Variants in PRKCD observed in about 807,000 individuals in gnomAD.
PRKCD encodes the protein protein kinase C delta type.
PRKCD carries 20 observed loss-of-function variants against 82.2 expected under a neutral mutation model. The ratio of observed to expected loss-of-function variants is 0.24; its 90% CI spans 0.17 to 0.35. The LOEUF (loss-of-function observed/expected upper bound fraction) is 0.35. Among genes scored for constraint, PRKCD ranks in the 10% least tolerant of loss-of-function variants. The pLI is 1.00. For synonymous variants in PRKCD, 317 were observed against 337.0 expected, an observed-to-expected ratio of 0.94 and a Z score of 0.65; for missense variants, 607 against 899.0, an observed-to-expected ratio of 0.68 and a Z score of 4.15.
At chr3:53,179,269 G>A (rs191976699) in intron 3 of PRKCD, among the ~76,000 whole-genome samples, 80 of 152,338 alleles carry the variant, frequency 5.3e-4, no homozygotes, top group Non-Finnish European at 9.8e-4. Context: ...TCTGCGCCTC[G>A]AATATTATGG....
Position 53,184,129 on chromosome 3 carries a change from G to A in PRKCD, c.787+548G>A, listed in dbSNP as rs577888961. Among the ~76,000 whole-genome samples the A allele has an allele frequency of 9.3e-5, 14 of 150,550 alleles. No individual in the cohort carries two copies. The South Asian group carries it at 2.1e-3, about 23-fold the overall frequency. On this transcript the variant is annotated intron_variant, in intron 9 of 18. Coordinates refer to ENST00000330452, the MANE Select transcript of PRKCD (RefSeq NM_006254.4). ...GGGCGGATCATGAGGTTAGGAGATC[G>A]AGACCATCCTGGCTAACATGGTGAA...
intron 2 of PRKCD, among the ~76,000 whole-genome samples, chr3:53,177,905 C>T (rs1703267264): frequency 6.6e-6 from 1 of 152,004 alleles, no homozygotes; most frequent in Admixed American, 6.6e-5. Flanking sequence ...GCCGCAAATC[C>T]AGACTTACAT....
chr3:53,172,103 G>C (rs1484202290), intron 2 of PRKCD, among the ~76,000 whole-genome samples: 2 of 152,026 alleles, frequency 1.3e-5, no homozygotes, highest in African/African-American at 4.8e-5. Flanking sequence ...ACTTGGCTGT[G>C]ACCTGAGTCC....
intron 16 of PRKCD, 62 bp from the exon 17 acceptor site, chr3:53,188,996 A>T: frequency 6.4e-7 from 1 of 1,572,732 alleles, no homozygotes; most frequent in Non-Finnish European, 8.6e-7. Flanking sequence ...CTTCGTGCCC[A>T]GGGGCCCCTC....
intron 3 of PRKCD, 28 bp downstream of exon 3, chr3:53,178,565 G>T (rs782570143): frequency 6.3e-7 from 1 of 1,587,316 alleles, no homozygotes; most frequent in East Asian, 2.3e-5. Context: ...ACCCTGGAGA[G>T]GGGCTGGGAA....
intron 2 of PRKCD, among the ~76,000 whole-genome samples, chr3:53,174,470 C>A (rs1703150114): frequency 6.6e-6 from 1 of 152,206 alleles, no homozygotes. Context: ...TCCTCTGGGG[C>A]CTCCGTGGCC....
intron 1 of PRKCD, among the ~76,000 whole-genome samples, chr3:53,163,555 C>T (rs995651072): frequency 1.3e-4 from 20 of 152,088 alleles, no homozygotes; most frequent in African/African-American, 4.1e-4. Context: ...CAAGCTAGGC[C>T]TCTCAAGGCT....
In PRKCD at chr3:53,179,770, G is replaced by A. The variant is rs1553666898; in HGVS notation, c.309G>A (p.Glu103=). 3 of 1,560,210 alleles carry A rather than the reference G, an allele frequency of 1.9e-6. No individual in the cohort carries two copies. In the African/African-American group the frequency reaches 4.1e-5, roughly 21 times the overall value. The change falls in exon 4 of 19, where the codon GAG becomes GAA. Residue 103 remains glutamate (E), a synonymous_variant. Transcript: ENST00000330452. ...ERCKKNNGKA[E]FWLDLQPQAK... is the part of the protein sequence containing the mutation. ...GCAAGAAGAACAATGGCAAGGCTGAGTTCTGGGTAAGGGGCGCACGAGCCG... is the reference window on the plus strand; with the variant it reads ...GCAAGAAGAACAATGGCAAGGCTGAATTCTGGGTAAGGGGCGCACGAGCCG...
In PRKCD at chr3:53,161,300, C is replaced by G. The variant is rs1553662886; in HGVS notation, c.-260C>G. 2 of 149,286 alleles carry G rather than the reference C, an allele frequency of 1.3e-5. No individual in the cohort carries two copies. Among genetic ancestry groups the G allele is most frequent in the Non-Finnish European group, 3.0e-5 (2 of 66,956 alleles). 9.2% of individuals were successfully genotyped at this position (149,286 alleles called of 1,614,324 possible). A position where few individuals can be genotyped will look rare whatever the true frequency, so the allele number is the denominator to read the frequency against. ...GGCGCCCGCCCGCCGCGCGGAGGCC[C>G]GGGCCACACCTCACTGGCCGCTTGG... is the stretch of plus-strand genomic sequence containing the variant. On this transcript the variant is annotated 5_prime_UTR_variant, in exon 1 of 19. Coordinates refer to ENST00000330452, the MANE Select transcript of PRKCD (RefSeq NM_006254.4).
rs1559629912 is a variant in PRKCD at position 53,186,636 on chromosome 3, CG to C, written c.1300del (p.Asp434ThrfsTer2). On this transcript the variant is annotated frameshift_variant, in exon 14 of 19. Coordinates refer to ENST00000330452, the MANE Select transcript of PRKCD (RefSeq NM_006254.4). LOFTEE classifies it high-confidence loss of function. ...HLFFVMEFLN[G>X]GDLMYHIQDK... ...TGTTCTTTGTGATGGAGTTCCTCAA[CG>C]GGGGGGACCTGATGTACCACATCCA... The C allele has an allele frequency of 1.9e-6, 3 of 1,613,656 alleles. No homozygotes were observed. Among genetic ancestry groups the C allele is most frequent in the South Asian group, 1.1e-5 (1 of 91,048 alleles).
rs1553669418 is a variant in PRKCD, at chr3:53,187,198, A to G, written c.1353-142A>G. On this transcript the variant is annotated intron_variant, in intron 14 of 18. Transcript: ENST00000330452. Reference sequence around the variant, plus strand: ...CTGCCAGCCCCCACTTGCCTGATACAAGATGTACTTGATCATGCTCAGGTG... The same window carrying G: ...CTGCCAGCCCCCACTTGCCTGATACGAGATGTACTTGATCATGCTCAGGTG... 3 of 963,752 alleles carry G rather than the reference A, an allele frequency of 3.1e-6. No homozygotes were observed. The Admixed American group carries it at 5.7e-5, about 18-fold the overall frequency. The allele number at this position is 963,752 out of a possible 1,614,324, so 59.7% of individuals were successfully genotyped here. A position where few individuals can be genotyped will look rare whatever the true frequency, so the allele number is the denominator to read the frequency against.
chr3:53,162,393 A>G (rs1702700762), intron 1 of PRKCD, among the ~76,000 whole-genome samples: 1 of 152,014 alleles, frequency 6.6e-6, no homozygotes, highest in Non-Finnish European at 1.5e-5. Flanking sequence ...CCCCGCCTTA[A>G]ACCTGGTCAG....
chr3:53,186,244 C>T lies in PRKCD; in HGVS notation c.1164C>T (p.Asp388=), dbSNP rs782310822. 8.7e-6 allele frequency: 14 copies of T among 1,614,052 alleles called. No individual in the cohort carries two copies. Among genetic ancestry groups the T allele is most frequent in the African/African-American group, 5.3e-5 (4 of 74,928 alleles). ...KALKKDVVLI[D]DDVECTMVEK... ...TCAAGAAGGATGTGGTCCTGATCGA[C>T]GACGACGTGGAGTGCACCATGGTTG... The change falls in exon 13 of 19, where the codon GAC becomes GAT. Residue 388 remains aspartate, a synonymous_variant. Coordinates refer to ENST00000330452, the MANE Select transcript of PRKCD (RefSeq NM_006254.4).
intron 2 of PRKCD, among the ~76,000 whole-genome samples, chr3:53,167,479 G>C (rs1553664072): frequency 6.6e-6 from 1 of 152,236 alleles, no homozygotes; most frequent in East Asian, 1.9e-4. Context: ...GCATCTTAGT[G>C]ACTAGGCAGC....
intron 2 of PRKCD, among the ~76,000 whole-genome samples, chr3:53,168,656 T>C (rs1387779798): frequency 6.6e-6 from 1 of 150,530 alleles, no homozygotes; most frequent in Non-Finnish European, 1.5e-5. Flanking sequence ...ACATGAACGA[T>C]GGGAAGGAGC....
At chr3:53,187,038 C>CT (rs1211487123) in intron 14 of PRKCD, among the ~76,000 whole-genome samples, 3 of 152,194 alleles carry the variant, frequency 2.0e-5, no homozygotes, top group Admixed American at 6.5e-5. Context: ...TCACATGCCC[C>CT]TTACCCCAAA....
rs542869529 is a variant in PRKCD, at chr3:53,164,076, G to A, written c.-131-1028G>A. 2.0e-4 allele frequency among the ~76,000 whole-genome samples: 30 copies of A among 152,302 alleles called. No homozygotes were observed. The South Asian group carries it at 6.0e-3, about 31-fold the overall frequency. On this transcript the variant is annotated intron_variant, in intron 1 of 18. Coordinates refer to ENST00000330452, the MANE Select transcript of PRKCD (RefSeq NM_006254.4). ...TGATGGGGGTCTCCAGCTGGGGGAG[G>A]GGTTCACATCTGGGGAGCAGAATCT...
At position 53,183,657 on chromosome 3, in the gene PRKCD, G is replaced by A. The variant is rs56223332; in HGVS notation, c.787+76G>A. On this transcript the variant is annotated intron_variant, in intron 9 of 18. Coordinates refer to ENST00000330452, the MANE Select transcript of PRKCD (RefSeq NM_006254.4). Reference sequence around the variant, plus strand: ...CTGCTGTGAATTCCAGCCACCTCACGCCACCCTCGCCTCCTCACCTGGAGA... The same window carrying A: ...CTGCTGTGAATTCCAGCCACCTCACACCACCCTCGCCTCCTCACCTGGAGA... The A allele has an allele frequency of 7.2e-3, 11,255 of 1,567,958 alleles. 57 individuals carry two copies. Among genetic ancestry groups the A allele is most frequent in the Non-Finnish European group, 8.8e-3 (10,156 of 1,155,214 alleles).
intron 18 of PRKCD, among the ~76,000 whole-genome samples, chr3:53,190,860 G>A (rs184372539): frequency 9.8e-5 from 15 of 152,310 alleles, no homozygotes; most frequent in African/African-American, 3.4e-4. Context: ...TGTCCTGGCT[G>A]AGCATGTAAC....
Sources: allele counts gnomAD v4.1 joint callset (sites outside exome capture counted in the v4.1 genomes callset), GRCh38; gene constraint gnomAD v4.1.1; transcripts MANE v1.5; gene names NCBI Gene and HGNC (gene_info 2026-07-23, HGNC 2026-07-21).